NRK: variants seen among roughly 807,000 people sequenced by gnomAD.
NRK encodes the protein nik-related protein kinase.
Under a neutral mutation model 125.2 loss-of-function variants are expected in NRK, and 67 were observed. The observed-to-expected ratio is 0.54, with a 90% CI of 0.44 to 0.66. NRK has a LOEUF of 0.66. Among genes scored for constraint, NRK ranks in the 30% least tolerant of loss-of-function variants. The pLI is 0.00. For synonymous variants in NRK, 458 were observed against 429.0 expected (o/e 1.07, Z -0.84); for missense variants, 1,224 against 1,192.9 (o/e 1.03, Z -0.38).
intron 1 of NRK, among the ~76,000 whole-genome samples, chrX:105,829,598 G>A (rs966068914): frequency 9.0e-6 from 1 of 111,172 alleles, no homozygotes; most frequent in African/African-American, 3.3e-5. Flanking sequence ...ATTTTGTGGT[G>A]AACAATCAAG....
chrX:105,936,051 A>C (rs983138447), intron 21 of NRK, among the ~76,000 whole-genome samples: 16 of 110,436 alleles, frequency 1.4e-4, no homozygotes, highest in Non-Finnish European at 3.0e-4. Flanking sequence ...TTATAACCAC[A>C]TTGGCAATGC....
At chrX:105,953,209 C>T (rs778964719) in intron 28 of NRK, 36 bp downstream of exon 28, 29 of 1,016,891 alleles carry the variant, frequency 2.9e-5, no homozygotes, top group South Asian at 3.4e-5. Flanking sequence ...GCAAAAATAA[C>T]GCAACCATTG....
At chrX:105,948,057 C>T (rs926268350) in intron 26 of NRK, among the ~76,000 whole-genome samples, 4 of 111,209 alleles carry the variant, frequency 3.6e-5, no homozygotes, top group Non-Finnish European at 7.5e-5. Context: ...GAGTGTCTTC[C>T]GTAGCTTCCT....
chrX:105,871,485 AAC>A (rs112464085), intron 2 of NRK, among the ~76,000 whole-genome samples: 43 of 104,122 alleles, frequency 4.1e-4, no homozygotes, highest in East Asian at 9.1e-4. Flanking sequence ...ACACCCCACC[AAC>A]ACACACACAC....
At chrX:105,902,570 A>T (rs2040172610) in intron 9 of NRK, among the ~76,000 whole-genome samples, 1 of 111,784 alleles carries the variant, frequency 8.9e-6, no homozygotes, top group Non-Finnish European at 1.9e-5. Context: ...TTTTCCAGAG[A>T]AGTAAAGAGA....
chrX:105,855,922 C>T (rs971594514), intron 2 of NRK, among the ~76,000 whole-genome samples: 1 of 110,999 alleles, frequency 9.0e-6, no homozygotes, highest in Non-Finnish European at 1.9e-5. Flanking sequence ...ATAATTTTTA[C>T]CTTACCAATT....
chrX:105,903,724 G>A (rs770755747), intron 9 of NRK, among the ~76,000 whole-genome samples: 57 of 111,133 alleles, frequency 5.1e-4, no homozygotes, highest in East Asian at 1.7e-3. Flanking sequence ...TTTCCTTTCC[G>A]TTAAAGAAAA....
intron 5 of NRK, among the ~76,000 whole-genome samples, chrX:105,890,214 C>A (rs1274627348): frequency 9.0e-6 from 1 of 111,709 alleles, no homozygotes; most frequent in Non-Finnish European, 1.9e-5. Context: ...CACCTTCGCT[C>A]CAGTTCCCAA....
At chrX:105,892,006 G>T (rs1243490187) in intron 5 of NRK, among the ~76,000 whole-genome samples, 2 of 111,221 alleles carry the variant, frequency 1.8e-5, no homozygotes, top group African/African-American at 6.5e-5. Context: ...AAATTTTGCA[G>T]TCTCCTTACT....
chrX:105,823,537 ATT>A (rs375688413), intron 1 of NRK, among the ~76,000 whole-genome samples: 2 of 100,483 alleles, frequency 2.0e-5, no homozygotes. Context: ...TGCACACTCG[ATT>A]TTTTTTTTTT....
intron 1 of NRK, among the ~76,000 whole-genome samples, chrX:105,824,304 A>G: frequency 9.0e-6 from 1 of 111,481 alleles, no homozygotes; most frequent in East Asian, 2.8e-4. Flanking sequence ...AGATTTCCGG[A>G]AAATGGAGGC....
intron 2 of NRK, among the ~76,000 whole-genome samples, chrX:105,856,602 A>C (rs1369173766): frequency 9.0e-6 from 1 of 111,080 alleles, no homozygotes; most frequent in Non-Finnish European, 1.9e-5. Flanking sequence ...AGGACCGCTG[A>C]CTGTTTAGGG....
chrX:105,879,748 G>A (rs937431132), intron 2 of NRK, among the ~76,000 whole-genome samples: 1 of 111,276 alleles, frequency 9.0e-6, no homozygotes, highest in African/African-American at 3.3e-5. Context: ...CCAGTGGAAA[G>A]ATGTCTGCAT....
chrX:105,909,364 G>A lies in NRK; in HGVS notation c.1723G>A (p.Ala575Thr). ...CGAGCCTGCACAGGCAGAGACTGAG[G>A]CAGAGGAACCTGAGTCATTACGAGT... ...AAEPAQAETE[A>T]EEPESLRVNA... The change falls in exon 13 of 29, where the codon GCA becomes ACA. Residue 575 changes from alanine (A) to threonine (T), a missense_variant. Transcript: ENST00000243300. 1.7e-6 allele frequency: 2 copies of A among 1,206,786 alleles called. No individual in the cohort carries two copies. The highest frequency in any genetic ancestry group is 2.2e-6 in the Non-Finnish European group (2 of 892,520).
Position 105,888,359 on chromosome X carries a change from T to C in NRK, c.318T>C (p.Ile106=). 1.7e-6 allele frequency: 2 copies of C among 1,199,381 alleles called. No individual in the cohort carries two copies. The highest frequency in any genetic ancestry group is 1.8e-5 in the South Asian group (1 of 55,405). ...LLRKYSFHKN[I]VSFYGAFFKL... ...GGAAGTACTCTTTCCACAAAAACAT[T>C]GTGTCCTTCTATGGAGCATTTTTCA... The change falls in exon 5 of 29, where the codon ATT becomes ATC. Residue 106 remains isoleucine (I), a synonymous_variant. Transcript: ENST00000243300.
chrX:105,914,302 A>T (rs1296039671), intron 14 of NRK, among the ~76,000 whole-genome samples: 1 of 111,081 alleles, frequency 9.0e-6, no homozygotes, highest in Non-Finnish European at 1.9e-5. Context: ...TACATAAGCC[A>T]GACTGTATTA....
chrX:105,915,719 G>T lies in NRK; in HGVS notation c.2350-11G>T. ...AAGAATTCTACTGAAGTATTGCATT[G>T]TGTCTTTAAGGTTCAAGAGAGATCT... is the stretch of plus-strand genomic sequence containing the variant. On this transcript the variant is annotated splice_polypyrimidine_tract_variant and intron_variant, in intron 14 of 28. Transcript: ENST00000243300. 1 of 1,051,510 alleles carries T rather than the reference G, an allele frequency of 9.5e-7. No homozygotes were observed. Among genetic ancestry groups the T allele is most frequent in the Non-Finnish European group, 1.3e-6 (1 of 758,370 alleles). 86.7% of individuals were successfully genotyped at this position (1,051,510 alleles called of 1,213,427 possible). A position where few individuals can be genotyped will look rare whatever the true frequency, so the allele number is the denominator to read the frequency against.
intron 4 of NRK, among the ~76,000 whole-genome samples, chrX:105,886,152 C>T (rs931242177): frequency 1.5e-4 from 16 of 109,669 alleles, no homozygotes; most frequent in African/African-American, 4.3e-4. Flanking sequence ...TTCTCAGAAA[C>T]AATACTTCTA....
intron 2 of NRK, among the ~76,000 whole-genome samples, chrX:105,834,509 T>C (rs1210959483): frequency 9.0e-6 from 1 of 110,520 alleles, no homozygotes; most frequent in Non-Finnish European, 1.9e-5. Flanking sequence ...GTTAGAGATC[T>C]TTGGGGTTCT....
Sources: gnomAD v4.1 joint callset for allele counts (sites outside exome capture counted in the v4.1 genomes callset) on GRCh38, gnomAD v4.1.1 for gene constraint, MANE v1.5 for transcripts, NCBI Gene and HGNC (gene_info 2026-07-23, HGNC 2026-07-21) for gene names.